VSIG4: variants seen among roughly 807,000 people sequenced by gnomAD.
VSIG4 encodes the protein V-set and immunoglobulin domain-containing protein 4.
Under a neutral mutation model 23.4 loss-of-function variants are expected in VSIG4, and 34 were observed. That is an observed-to-expected ratio of 1.45 (90% confidence interval 1.10 to 1.93). VSIG4 has a LOEUF of 1.93. VSIG4 is among the 30% of genes most tolerant of loss of function. VSIG4 has a pLI of 0.00. For missense variants in VSIG4, 433 were observed against 310.8 expected (o/e 1.39, Z -2.96); for synonymous variants, 169 against 120.3 (o/e 1.41, Z -2.65).
intron 5 of VSIG4, among the ~76,000 whole-genome samples, chrX:66,026,512 C>T (rs924229877): frequency 2.0e-4 from 22 of 111,831 alleles, no homozygotes; most frequent in Non-Finnish European, 4.0e-4. Flanking sequence ...AGATGTTCTT[C>T]TCGGAGAGGA....
Position 66,040,080 on chromosome X carries a change from T to G in VSIG4, c.-82A>C, listed in dbSNP as rs1424803570. On this transcript the variant is annotated 5_prime_UTR_variant, in exon 1 of 8. Transcript: ENST00000374737. The stretch of plus-strand genomic sequence containing the variant: ...AACTTCTGGTGGCCGCCAGCGTCTG[T>G]GACTGCTTACTTCCCTTCCTTCCCT... The G allele has an allele frequency of 9.7e-7, 1 of 1,026,948 alleles. No homozygotes were observed. The highest frequency in any genetic ancestry group is 1.9e-5 in the African/African-American group (1 of 53,760). The allele number at this position is 1,026,948 out of a possible 1,213,427, so 84.6% of individuals were successfully genotyped here.
chrX:66,033,838 G>T lies in VSIG4; in HGVS notation c.56-8C>A, dbSNP rs370268357. The T allele has an allele frequency of 5.1e-6, 6 of 1,181,755 alleles. No homozygotes were observed. The African/African-American group carries it at 8.8e-5, about 17-fold the overall frequency. ...CTTCCAGGATGGGACGGCCTGAAGA[G>T]GCGGAACAGAGGAAAGAAGCAAACG... On this transcript the variant is annotated splice_region_variant and splice_polypyrimidine_tract_variant and intron_variant, in intron 1 of 7. Transcript: ENST00000374737.
intron 6 of VSIG4, 60 bp from the exon 7 acceptor site, chrX:66,022,922 A>T: frequency 8.7e-7 from 1 of 1,146,693 alleles, no homozygotes; most frequent in Non-Finnish European, 1.2e-6. Context: ...AAGGTCAATC[A>T]TGGATCCTGG....
intron 2 of VSIG4, 35 bp from the exon 3 acceptor site, chrX:66,032,784 A>G: frequency 8.4e-7 from 1 of 1,188,880 alleles, no homozygotes; most frequent in Admixed American, 2.3e-5. Flanking sequence ...AACTCTGGGC[A>G]GTCATAAGGA....
chrX:66,022,564 C>T (rs2085345515), intron 7 of VSIG4, 64 bp from the exon 8 acceptor site: 1 of 1,179,686 alleles, frequency 8.5e-7, no homozygotes, highest in African/African-American at 1.8e-5. Context: ...GTTTCCCACC[C>T]TTCTGCCTCA....
chrX:66,027,278 C>A (rs2085402490), intron 5 of VSIG4, among the ~76,000 whole-genome samples, 171 bp downstream of exon 5: 1 of 112,197 alleles, frequency 8.9e-6, no homozygotes, highest in Non-Finnish European at 1.9e-5. Context: ...GTATCTCTCT[C>A]TCTACATCCT....
chrX:66,025,149 C>A lies in VSIG4; in HGVS notation c.836-20G>T. 1 of 1,101,888 alleles carries A rather than the reference C, an allele frequency of 9.1e-7. No individual in the cohort carries two copies. The highest frequency in any genetic ancestry group is 2.1e-5 in the South Asian group (1 of 48,023). 90.8% of individuals were successfully genotyped at this position (1,101,888 alleles called of 1,213,427 possible). A position where few individuals can be genotyped will look rare whatever the true frequency, so the allele number is the denominator to read the frequency against. On this transcript the variant is annotated intron_variant, in intron 5 of 7. Transcript: ENST00000374737. ...TCTTTCCTAGAGGGTAAAACAAGAT[C>A]AAGTGGTATTTGATTGAAAATAAGG...
In VSIG4 at chrX:66,025,055, T is replaced by C. The variant is rs1465381045; in HGVS notation, c.910A>G (p.Ile304Val). 8.3e-7 allele frequency: 1 copy of C among 1,203,156 alleles called. No individual in the cohort carries two copies. Among genetic ancestry groups the C allele is most frequent in the Non-Finnish European group, 1.1e-6 (1 of 891,960 alleles). ...TGGGATGTCTTCCGACAGAGCATGA[T>C]ATAGGCCATGGTAAAAACCACCATA... ...CCMVVFTMAY[I>V]MLCRKTSQQE... Residue 304 changes from isoleucine (I) to valine (V), a missense_variant, in exon 6 of 8, where the codon ATC (isoleucine) becomes GTC (valine). Physicochemically the swap from Ile to Val is conservative, Grantham distance 29. Transcript: ENST00000374737.
chrX:66,025,604 C>T (rs2085381232), intron 5 of VSIG4, among the ~76,000 whole-genome samples: 1 of 112,002 alleles, frequency 8.9e-6, no homozygotes, highest in Non-Finnish European at 1.9e-5. Context: ...CACATATTCC[C>T]ATTATGCCTA....
rs2085334893 is a variant in VSIG4, at chrX:66,021,832, T to C, written c.*431A>G. The C allele has an allele frequency of 7.3e-6, 2 of 272,971 alleles. No homozygotes were observed. The highest frequency in any genetic ancestry group is 1.4e-5 in the Non-Finnish European group (2 of 146,984). The allele number at this position is 272,971 out of a possible 1,213,427, so 22.5% of individuals were successfully genotyped here. On this transcript the variant is annotated 3_prime_UTR_variant, in exon 8 of 8. Coordinates refer to ENST00000374737, the MANE Select transcript of VSIG4 (RefSeq NM_007268.3). Reference sequence around the variant, plus strand: ...CAGAACTGAACCCTGGCCTGTGAAATAACAATTTCAATTAAAAGCTGTCTG... The same window carrying C: ...CAGAACTGAACCCTGGCCTGTGAAACAACAATTTCAATTAAAAGCTGTCTG...
At chrX:66,027,400 A>G in intron 5 of VSIG4, 49 bp downstream of exon 5, 1 of 1,105,380 alleles carries the variant, frequency 9.0e-7, no homozygotes, top group Non-Finnish European at 1.2e-6. Flanking sequence ...TTTTGGTCAC[A>G]AAGCTTAGAG....
chrX:66,035,967 C>G (rs888480306), intron 1 of VSIG4, among the ~76,000 whole-genome samples: 2 of 111,899 alleles, frequency 1.8e-5, no homozygotes, highest in Admixed American at 1.9e-4. Context: ...GAAATTCTCA[C>G]AAAGCTCAGT....
intron 1 of VSIG4, among the ~76,000 whole-genome samples, chrX:66,038,347 T>C (rs990183469): frequency 9.1e-6 from 1 of 110,087 alleles, no homozygotes; most frequent in African/African-American, 3.3e-5. Flanking sequence ...GAAGGTATTA[T>C]TTGCAGCTCA....
At chrX:66,028,558 C>CTTTTTTTTTT (rs34660062) in intron 3 of VSIG4, among the ~76,000 whole-genome samples, 3 of 74,254 alleles carry the variant, frequency 4.0e-5, no homozygotes, top group Admixed American at 1.6e-4. Flanking sequence ...ACGTAATCAA[C>CTTTTTTTTTT]TTTTTTTTTT....
At position 66,022,741 on chromosome X, in the gene VSIG4, T is replaced by C. The variant is rs1602094257; in HGVS notation, c.962+100A>G. On this transcript the variant is annotated intron_variant, in intron 7 of 7. Transcript: ENST00000374737. Reference sequence around the variant, plus strand: ...ACCCTGAAGGCCTCCGGCCTTAGGATTGGGTCTGTGCCACACCCCCCTTCC... The same window carrying C: ...ACCCTGAAGGCCTCCGGCCTTAGGACTGGGTCTGTGCCACACCCCCCTTCC... 5.8e-6 allele frequency: 7 copies of C among 1,196,916 alleles called. No individual in the cohort carries two copies. The East Asian group carries it at 2.1e-4, about 36-fold the overall frequency.
At chrX:66,033,299 T>C (rs1310071086) in intron 2 of VSIG4, among the ~76,000 whole-genome samples, 175 bp downstream of exon 2, 1 of 111,350 alleles carries the variant, frequency 9.0e-6, no homozygotes, top group East Asian at 2.8e-4. Flanking sequence ...TAAATTTAAC[T>C]ATGGGAATGC....
At chrX:66,030,590 G>A (rs2085453341) in intron 3 of VSIG4, among the ~76,000 whole-genome samples, 1 of 110,409 alleles carries the variant, frequency 9.1e-6, no homozygotes, top group Non-Finnish European at 1.9e-5. Flanking sequence ...GAAATATCAA[G>A]GCAGAGAGGA....
chrX:66,032,430 G>A, intron 3 of VSIG4, 38 bp downstream of exon 3: 2 of 1,183,438 alleles, frequency 1.7e-6, no homozygotes, highest in Non-Finnish European at 2.3e-6. Context: ...TTTCAAGCTT[G>A]TGTGTTAAGA....
At chrX:66,022,930 T>C in intron 6 of VSIG4, 68 bp from the exon 7 acceptor site, 20 of 1,114,480 alleles carry the variant, frequency 1.8e-5, no homozygotes, top group Non-Finnish European at 2.5e-5. Flanking sequence ...TCATGGATCC[T>C]GGGTACCAGT....
Sources: allele counts gnomAD v4.1 joint callset (sites outside exome capture counted in the v4.1 genomes callset), GRCh38; gene constraint gnomAD v4.1.1; transcripts MANE v1.5; gene names NCBI Gene and HGNC (gene_info 2026-07-23, HGNC 2026-07-21).